The following IRX6 variants were observed in gnomAD, a reference collection of about 807,000 sequenced individuals.
IRX6 encodes iroquois homeobox 6.
A neutral mutation model predicts 47.7 loss-of-function variants in IRX6; 46 were observed. That is an observed-to-expected ratio of 0.96 (90% CI 0.76 to 1.23). The LOEUF is 1.23. IRX6 is among the 50% of genes most tolerant of loss of function. The probability of loss-of-function intolerance (pLI) is 0.00; values close to 1 mark genes in which losing one functional copy is unlikely to be tolerated. For synonymous variants in IRX6, 265 were observed against 246.2 expected, an observed-to-expected ratio of 1.08 and a Z score of -0.72; for missense variants, 722 against 588.0, an observed-to-expected ratio of 1.23 and a Z score of -2.36.
In IRX6 at chr16:55,328,812, T is replaced by C. The variant is rs201574074; in HGVS notation, c.834T>C (p.Ala278=). Residue 278 remains alanine, a synonymous_variant, in exon 5 of 6, where the codon GCT becomes GCC. Transcript: ENST00000290552. The stretch of plus-strand genomic sequence containing the variant: ...AAGACGAGGAGGTAGTGGCCACAGC[T>C]GGGGACAGGCTGACGGAGTTCCGAA... ...EAEDEEVVAT[A]GDRLTEFRKG... The C allele has an allele frequency of 2.3e-5, 37 of 1,613,074 alleles. No individual in the cohort carries two copies. In the Admixed American group the frequency reaches 4.0e-4, roughly 17 times the overall value.
chr16:55,325,541 G>GAAA, intron 1 of IRX6, among the ~76,000 whole-genome samples: 1 of 10,848 alleles, frequency 9.2e-5, no homozygotes, highest in African/African-American at 4.0e-4. Context: ...GAGAGAGAGA[G>GAAA]AGAGAGAGAG....
chr16:55,329,823 T>A (rs1960611373), intron 5 of IRX6, among the ~76,000 whole-genome samples: 1 of 152,200 alleles, frequency 6.6e-6, no homozygotes, highest in Non-Finnish European at 1.5e-5. Context: ...CTTGCAGCCC[T>A]GTCTGTGTCC....
intron 1 of IRX6, 38 bp from the exon 2 acceptor site, chr16:55,326,298 G>GTGC: frequency 7.2e-7 from 1 of 1,385,990 alleles, no homozygotes; most frequent in Non-Finnish European, 1.0e-6. Flanking sequence ...TGGGGGGGGG[G>GTGC]TCTCTGACCT....
At position 55,327,377 on chromosome 16, in the gene IRX6, C is replaced by A; in HGVS notation, c.385C>A (p.Arg129=). The A allele has an allele frequency of 6.2e-7, 1 of 1,613,658 alleles. No individual in the cohort carries two copies. Among genetic ancestry groups the A allele is most frequent in the South Asian group, 1.1e-5 (1 of 91,058 alleles). The change falls in exon 3 of 6, where the codon CGG becomes AGG. Residue 129 remains arginine, a synonymous_variant. Coordinates refer to ENST00000290552, the MANE Select transcript of IRX6 (RefSeq NM_024335.3). ...AQPGAYYPYE[R]TLGQYQYERY... is the part of the protein sequence containing the mutation. ...ACCAGGAGCCTATTATCCCTATGAG[C>A]GGACTCTGGGGCAGTACCAATATGA...
In IRX6 at chr16:55,328,017, C is replaced by T. The variant is rs367950972; in HGVS notation, c.721+124C>T. On this transcript the variant is annotated intron_variant, in intron 4 of 5. Transcript: ENST00000290552. ...TCCTCAGACTTACCCTTGCACTTCC[C>T]TGCCTGTCTCAGAGCATTAGCCTGT... 145 of 886,728 alleles carry T rather than the reference C, an allele frequency of 1.6e-4. No homozygotes were observed. In the South Asian group the frequency reaches 2.3e-3, roughly 14 times the overall value. The allele number at this position is 886,728 out of a possible 1,614,324, so 54.9% of individuals were successfully genotyped here.
Position 55,324,924 on chromosome 16 carries a change from G to T in IRX6, c.-168G>T, listed in dbSNP as rs1018704971. ...TTCCGGAGCGCAGGGCTCGGCAGCC[G>T]GGCTGCCCTCGGCTCTGCCTCCACT... On this transcript the variant is annotated 5_prime_UTR_variant, in exon 1 of 6. Transcript: ENST00000290552. The surrounding 1 kb of genome is among the most constrained non-coding windows in gnomAD (Gnocchi z 4.4). 7.5e-6 allele frequency: 5 copies of T among 668,370 alleles called. No individual in the cohort carries two copies. Among genetic ancestry groups the T allele is most frequent in the Middle Eastern group, 7.9e-4 (2 of 2,544 alleles). The allele number at this position is 668,370 out of a possible 1,614,324, so 41.4% of individuals were successfully genotyped here.
chr16:55,324,779 CCCGCG>C lies in IRX6; in HGVS notation c.-300_-296del, dbSNP rs1182432598. On this transcript the variant is annotated 5_prime_UTR_variant, in exon 1 of 6. Coordinates refer to ENST00000290552, the MANE Select transcript of IRX6 (RefSeq NM_024335.3). This position sits in a 1 kb window ranked among gnomAD's most constrained non-coding sequence, Gnocchi z 4.4. ...TGGGACACCTCCGGAGCCTCACAGC[CCCGCG>C]CCGCGCCGCGCCTCACCTCGCCACC... 25 of 465,454 alleles carry C rather than the reference CCCGCG, an allele frequency of 5.4e-5. No homozygotes were observed. The highest frequency in any genetic ancestry group is 1.3e-4 in the East Asian group (3 of 23,252). 28.8% of individuals were successfully genotyped at this position (465,454 alleles called of 1,614,324 possible).
At position 55,324,904 on chromosome 16, in the gene IRX6, G is replaced by T; in HGVS notation, c.-188G>T. ...CCACGGGCCGGAGGGGCGCCTTCCG[G>T]AGCGCAGGGCTCGGCAGCCGGGCTG... On this transcript the variant is annotated 5_prime_UTR_variant, in exon 1 of 6. Coordinates refer to ENST00000290552, the MANE Select transcript of IRX6 (RefSeq NM_024335.3). This position sits in a 1 kb window ranked among gnomAD's most constrained non-coding sequence, Gnocchi z 4.4. 1 of 616,332 alleles carries T rather than the reference G, an allele frequency of 1.6e-6. No individual in the cohort carries two copies. The highest frequency in any genetic ancestry group is 2.9e-6 in the Non-Finnish European group (1 of 348,562). The allele number at this position is 616,332 out of a possible 1,614,324, so 38.2% of individuals were successfully genotyped here. A position where few individuals can be genotyped will look rare whatever the true frequency, so the allele number is the denominator to read the frequency against.
Position 55,324,438 on chromosome 16 carries a change from T to G in IRX6, c.-654T>G, listed in dbSNP as rs1380593403. Reference sequence around the variant, plus strand: ...AGGTGAGCGCGCTGCGCCCGGGGCCTGCGCGGCTCAGAGGGAGGCGTTTCT... The same window carrying G: ...AGGTGAGCGCGCTGCGCCCGGGGCCGGCGCGGCTCAGAGGGAGGCGTTTCT... On this transcript the variant is annotated 5_prime_UTR_variant, in exon 1 of 6. Coordinates refer to ENST00000290552, the MANE Select transcript of IRX6 (RefSeq NM_024335.3). This position sits in a 1 kb window ranked among gnomAD's most constrained non-coding sequence, Gnocchi z 4.4. The G allele has an allele frequency of 2.0e-5, 3 of 151,792 alleles. No homozygotes were observed. Among genetic ancestry groups the G allele is most frequent in the Non-Finnish European group, 4.4e-5 (3 of 67,974 alleles). 9.4% of individuals were successfully genotyped at this position (151,792 alleles called of 1,614,324 possible).
At position 55,330,631 on chromosome 16, in the gene IRX6, CT is replaced by C; in HGVS notation, c.*327del. The C allele has an allele frequency of 2.2e-6, 1 of 452,508 alleles. No individual in the cohort carries two copies. The highest frequency in any genetic ancestry group is 2.5e-5 in the South Asian group (1 of 39,680). 28.0% of individuals were successfully genotyped at this position (452,508 alleles called of 1,614,324 possible). A position where few individuals can be genotyped will look rare whatever the true frequency, so the allele number is the denominator to read the frequency against. ...GCAAGGCTTCCTCTCCTGCTCACCC[CT>C]GTCTCTCACCTCCACCAACCCCACT... On this transcript the variant is annotated 3_prime_UTR_variant, in exon 6 of 6. Transcript: ENST00000290552.
At chr16:55,327,251 C>T (rs758249901) in intron 2 of IRX6, 45 bp from the exon 3 acceptor site, 10 of 1,399,374 alleles carry the variant, frequency 7.1e-6, no homozygotes, top group Middle Eastern at 1.8e-4. Flanking sequence ...CCCATGTGCC[C>T]CCTCCCCAAC....
chr16:55,326,074 G>C lies in IRX6; in HGVS notation c.46-262G>C, dbSNP rs545172379. 405 of 481,628 alleles carry C rather than the reference G, an allele frequency of 8.4e-4. 1 individual carries two copies. Among genetic ancestry groups the C allele is most frequent in the African/African-American group, 6.7e-3 (343 of 51,248 alleles). 29.8% of individuals were successfully genotyped at this position (481,628 alleles called of 1,614,324 possible). The stretch of plus-strand genomic sequence containing the variant: ...GGTTTCAAAATGTTCACATTTTCCC[G>C]GCCTCCTGGGGCTCTGGGGCCTTAG... On this transcript the variant is annotated intron_variant, in intron 1 of 5. Coordinates refer to ENST00000290552, the MANE Select transcript of IRX6 (RefSeq NM_024335.3).
In IRX6 at chr16:55,328,852, C is replaced by T; in HGVS notation, c.874C>T (p.Leu292=). 2.5e-6 allele frequency: 4 copies of T among 1,612,924 alleles called. No individual in the cohort carries two copies. Among genetic ancestry groups the T allele is most frequent in the Non-Finnish European group, 2.5e-6 (3 of 1,179,948 alleles). ...GGAGTTCCGAAAGGGCGCGCAGTCA[C>T]TGCCTGGGCCGTGCGCTGCAGCTCG... ...LTEFRKGAQS[L]PGPCAAAREG... Residue 292 remains leucine, a synonymous_variant, in exon 5 of 6, where the codon CTG becomes TTG. Transcript: ENST00000290552.
chr16:55,325,526 GGAAGGAGA>G (rs1262002455), intron 1 of IRX6, among the ~76,000 whole-genome samples: 18 of 16,154 alleles, frequency 1.1e-3, no homozygotes, highest in South Asian at 3.9e-3. Flanking sequence ...AAGGAAGGAA[GGAAGGAGA>G]GAGAGAGAGA....
chr16:55,328,430 C>G (rs368870307), intron 4 of IRX6, among the ~76,000 whole-genome samples: 1 of 152,182 alleles, frequency 6.6e-6, no homozygotes, highest in African/African-American at 2.4e-5. Context: ...ACTCAGGCAG[C>G]GCCAAGTGGC....
intron 1 of IRX6, 29 bp downstream of exon 1, chr16:55,325,165 G>A: frequency 6.2e-7 from 1 of 1,610,780 alleles, no homozygotes; most frequent in South Asian, 1.1e-5. Flanking sequence ...GGGGATAGGG[G>A]ACAGACTGGG....
Position 55,324,952 on chromosome 16 carries a change from G to A in IRX6, c.-140G>A, listed in dbSNP as rs1229759941. On this transcript the variant is annotated 5_prime_UTR_variant, in exon 1 of 6. Coordinates refer to ENST00000290552, the MANE Select transcript of IRX6 (RefSeq NM_024335.3). This position sits in a 1 kb window ranked among gnomAD's most constrained non-coding sequence, Gnocchi z 4.4. ...CTGCCCTCGGCTCTGCCTCCACTGG[G>A]GCCAACCAGGCGAAGGAACCGGCGC... 1.1e-6 allele frequency: 1 copy of A among 882,702 alleles called. No homozygotes were observed. The highest frequency in any genetic ancestry group is 1.6e-5 in the African/African-American group (1 of 60,792). The allele number at this position is 882,702 out of a possible 1,614,324, so 54.7% of individuals were successfully genotyped here.
rs746845042 is a variant in IRX6, at chr16:55,329,117, T to G, written c.1139T>G (p.Met380Arg). Residue 380 changes from methionine to arginine, a missense_variant, in exon 5 of 6, where the codon ATG becomes AGG. Transcript: ENST00000290552. ...AGGCCACGAAGTCCTGAGTGCCGTA[T>G]GATTCCTGGACAGCCTCCTGCCTCT... ...RPRPRSPECR[M>R]IPGQPPASAR... 6 of 1,614,142 alleles carry G rather than the reference T, an allele frequency of 3.7e-6. No individual in the cohort carries two copies. In the Admixed American group the frequency reaches 8.3e-5, roughly 22 times the overall value.
At chr16:55,326,637 A>T (rs768082292) in intron 2 of IRX6, 44 bp downstream of exon 2, 1 of 1,463,722 alleles carries the variant, frequency 6.8e-7, no homozygotes, top group Non-Finnish European at 9.1e-7. Flanking sequence ...CAGTAGAGAC[A>T]GGTGAAATCC....
Sources: gnomAD v4.1 joint callset for allele counts (sites outside exome capture counted in the v4.1 genomes callset) on GRCh38, gnomAD v4.1.1 for gene constraint, Gnocchi (gnomAD v3.1) non-coding constraint, MANE v1.5 for transcripts, NCBI Gene and HGNC (gene_info 2026-07-23, HGNC 2026-07-21) for gene names.